FGA: variants seen among roughly 807,000 people sequenced by gnomAD.
FGA encodes the protein fibrinogen alpha chain, also known as fibrinogen, A alpha polypeptide.
Under a neutral mutation model 20.3 loss-of-function variants are expected in FGA, and 20 were observed. The ratio of observed to expected loss-of-function variants is 0.99; its 90% CI spans 0.69 to 1.43. The LOEUF is 1.43. FGA is among the 40% of genes most tolerant of loss of function. The pLI is 0.00. For missense variants in FGA, 777 were observed against 784.7 expected, an observed-to-expected ratio of 0.99 and a Z score of 0.12; for synonymous variants, 306 against 281.6, an observed-to-expected ratio of 1.09 and a Z score of -0.87.
chr4:154,585,236 G>T, downstream of FGA: 9 of 1,334,034 alleles, frequency 6.7e-6, no homozygotes, highest in South Asian at 3.3e-5. Flanking sequence ...AATAGTGAAA[G>T]AATTTGACTA....
chr4:154,587,385 T>C (rs1225680423), intron 4 of FGA, 127 bp downstream of exon 4: 1 of 908,640 alleles, frequency 1.1e-6, no homozygotes, highest in Non-Finnish European at 1.8e-6. Flanking sequence ...AAATAATACC[T>C]ACTTTTAGGT....
intron 3 of FGA, 80 bp from the exon 4 acceptor site, chr4:154,587,737 G>T: frequency 1.4e-6 from 1 of 729,442 alleles, no homozygotes; most frequent in Non-Finnish European, 2.2e-6. Context: ...AGGAAGAAAG[G>T]AAGGAAGGAG....
intron 3 of FGA, 104 bp from the exon 4 acceptor site, chr4:154,587,761 AAGAAAGAAAGAAAG>A: frequency 1.7e-6 from 1 of 600,638 alleles, no homozygotes; most frequent in East Asian, 3.1e-5. Context: ...GAAAGAAAGA[AAGAAAGAAAGAAAG>A]AAAGAAAGAA....
rs1730803730 is a variant in FGA at position 154,588,936 on chromosome 4, A to G, written c.221T>C (p.Ile74Thr). Residue 74 changes from isoleucine (I) to threonine (T), a missense_variant, in exon 3 of 5, where the codon ATT becomes ACT. By Grantham distance (89) the Ile-to-Thr change is moderately conservative. Transcript: ENST00000403106. ...TGTAAAATCTTGATTGACTTCATCA[A>G]TCAACCCTTTCATCCTGCAGCCAGA... is the stretch of plus-strand genomic sequence containing the variant. ...CPSGCRMKGLIDEVNQDFTNR... is the reference protein window; with the variant it reads ...CPSGCRMKGLTDEVNQDFTNR... 6.2e-7 allele frequency: 1 copy of G among 1,613,760 alleles called. No individual in the cohort carries two copies. The highest frequency in any genetic ancestry group is 1.3e-5 in the African/African-American group (1 of 74,924).
chr4:154,587,036 G>T (rs940573385), intron 4 of FGA, 118 bp from the exon 5 acceptor site: 1 of 958,744 alleles, frequency 1.0e-6, no homozygotes, highest in African/African-American at 1.6e-5. Flanking sequence ...TTTTGACTCG[G>T]AGACCTACCA....
downstream of FGA, chr4:154,584,408 C>G (rs1730658583): frequency 3.7e-6 from 6 of 1,614,070 alleles, no homozygotes; most frequent in Non-Finnish European, 5.1e-6. Context: ...TCTGCCCCTT[C>G]CTCTACGGAA....
At chr4:154,589,631 A>G in intron 1 of FGA, 69 bp from the exon 2 acceptor site, 1 of 1,567,790 alleles carries the variant, frequency 6.4e-7, no homozygotes, top group Admixed American at 1.7e-5. Context: ...AGACAGTGGC[A>G]TGCCTACAAG....
chr4:154,587,787 G>GAAAGAAAGAAAT, intron 3 of FGA, 130 bp from the exon 4 acceptor site: 1 of 713,650 alleles, frequency 1.4e-6, no homozygotes, highest in South Asian at 1.7e-5. Flanking sequence ...AAGAAAGAAA[G>GAAAGAAAGAAAT]AAAGAAAGAA....
Position 154,586,285 on chromosome 4 carries a change from T to C in FGA, c.1144A>G (p.Ser382Gly). 6.2e-7 allele frequency: 1 copy of C among 1,614,200 alleles called. No individual in the cohort carries two copies. Among genetic ancestry groups the C allele is most frequent in the South Asian group, 1.1e-5 (1 of 91,092 alleles). ...GATTCAGAGTGCCATTGTCCAGTACTACCAGATACAGAGCTCTCAGAGGTC... is the reference window on the plus strand; with the variant it reads ...GATTCAGAGTGCCATTGTCCAGTACCACCAGATACAGAGCTCTCAGAGGTC... The part of the protein sequence containing the change: ...HWTSESSVSG[S>G]TGQWHSESGS... Residue 382 changes from serine (S) to glycine (G), a missense_variant, in exon 5 of 5, where the codon AGT becomes GGT. Physicochemically the swap from Ser to Gly is moderately conservative, Grantham distance 56. Transcript: ENST00000403106.
chr4:154,589,125 G>T, intron 2 of FGA, 149 bp from the exon 3 acceptor site: 1 of 742,644 alleles, frequency 1.3e-6, no homozygotes, highest in Non-Finnish European at 2.3e-6. Context: ...GTTAGAGGTC[G>T]CAGAGAAACT....
Position 154,586,344 on chromosome 4 carries a change from G to C in FGA, c.1085C>G (p.Pro362Arg). The C allele has an allele frequency of 6.2e-7, 1 of 1,614,190 alleles. No homozygotes were observed. The highest frequency in any genetic ancestry group is 8.5e-7 in the Non-Finnish European group (1 of 1,180,032). ...AGCACTTCCGCGTTCAGAGCTGCCA[G>C]GATTCCAGGTTCCGGTACTACCAGG... is the stretch of plus-strand genomic sequence containing the variant. The part of the protein sequence containing the change: ...PRPGSTGTWN[P>R]GSSERGSAGH... The change falls in exon 5 of 5, where the codon CCT becomes CGT. Residue 362 changes from proline (P) to arginine (R), a missense_variant. Coordinates refer to ENST00000403106, the MANE Select transcript of FGA (RefSeq NM_021871.4).
At chr4:154,583,422 A>G (rs757798143), downstream of FGA, 3 of 152,190 alleles carry the variant, frequency 2.0e-5, no homozygotes, top group Non-Finnish European at 2.9e-5. Context: ...TAATGTGTGA[A>G]TTATGTCTTT....
downstream of FGA, chr4:154,584,958 T>C (rs1560823960): frequency 3.1e-5 from 26 of 832,094 alleles, no homozygotes; most frequent in South Asian, 3.4e-4. Context: ...CCTCCTTTCC[T>C]TCCCTCCATA....
Position 154,586,140 on chromosome 4 carries a change from G to T in FGA, c.1289C>A (p.Thr430Lys), listed in dbSNP as rs200607781. Residue 430 changes from threonine (T) to lysine (K), a missense_variant, in exon 5 of 5, where the codon ACA becomes AAA. Transcript: ENST00000403106. ...TCCTTTAGAAGTGACCAGTTTTTCTGTGTGGTACTCTCTCCTTGTCCCTGG... is the reference window on the plus strand; with the variant it reads ...TCCTTTAGAAGTGACCAGTTTTTCTTTGTGGTACTCTCTCCTTGTCCCTGG... The part of the protein sequence containing the change: ...VSPGTRREYH[T>K]EKLVTSKGDK... 2 of 1,614,156 alleles carry T rather than the reference G, an allele frequency of 1.2e-6. No homozygotes were observed.
At position 154,586,391 on chromosome 4, in the gene FGA, G is replaced by A; in HGVS notation, c.1038C>T (p.Asn346=). Residue 346 remains asparagine (N), a synonymous_variant, in exon 5 of 5, where the codon AAC becomes AAT. Coordinates refer to ENST00000403106, the MANE Select transcript of FGA (RefSeq NM_021871.4). The part of the protein sequence containing the change: ...SGSSGTGSTG[N]QNPGSPRPGS... ...CAGGTCTAGGGCTCCCAGGGTTTTG[G>A]TTTCCAGTACTTCCAGTTCCAGAGC... 6.2e-7 allele frequency: 1 copy of A among 1,614,088 alleles called. No homozygotes were observed. The highest frequency in any genetic ancestry group is 1.1e-5 in the South Asian group (1 of 91,074).
chr4:154,583,314 A>T (rs1315802152), downstream of FGA: 1 of 152,218 alleles, frequency 6.6e-6, no homozygotes, highest in Non-Finnish European at 1.5e-5. Flanking sequence ...AGGCTTTCGA[A>T]CTAACGACTT....
Position 154,587,677 on chromosome 4 carries a change from T to C in FGA, c.365-20A>G. Reference sequence around the variant, plus strand: ...CACGGTCTGAAATCGAAAATATGGTTATTGAAGTAGCTGCTGAGTGATTTG... The same window carrying C: ...CACGGTCTGAAATCGAAAATATGGTCATTGAAGTAGCTGCTGAGTGATTTG... On this transcript the variant is annotated intron_variant, in intron 3 of 4. Coordinates refer to ENST00000403106, the MANE Select transcript of FGA (RefSeq NM_021871.4). The C allele has an allele frequency of 6.2e-7, 1 of 1,611,214 alleles. No individual in the cohort carries two copies. Among genetic ancestry groups the C allele is most frequent in the Non-Finnish European group, 8.5e-7 (1 of 1,178,488 alleles).
Position 154,590,673 on chromosome 4 carries a change from C to T in FGA, c.15G>A (p.Arg5=). 2 of 1,557,612 alleles carry T rather than the reference C, an allele frequency of 1.3e-6. No individual in the cohort carries two copies. The highest frequency in any genetic ancestry group is 2.4e-5 in the East Asian group (1 of 41,744). MFSM[R]IVCLVLSVVG... is the part of the protein sequence containing the mutation. Reference sequence around the variant, plus strand: ...CCACACTTAGGACCAGGCAGACGATCCTCATGGAAAACATCTTTTCTAAGG... The same window carrying T: ...CCACACTTAGGACCAGGCAGACGATTCTCATGGAAAACATCTTTTCTAAGG... Residue 5 remains arginine (R), a synonymous_variant, in exon 1 of 5, where the codon AGG becomes AGA. Coordinates refer to ENST00000403106, the MANE Select transcript of FGA (RefSeq NM_021871.4).
At position 154,585,321 on chromosome 4, in the gene FGA, T is replaced by C. The variant is rs1730678641; in HGVS notation, c.*173A>G. On this transcript the variant is annotated 3_prime_UTR_variant, in exon 5 of 5. Transcript: ENST00000403106. ...TATTTATTGAGTCATGGCTCTGTAC[T>C]GTTAGGCATTTGGGAATACAGAGAT... The C allele has an allele frequency of 8.3e-7, 1 of 1,199,280 alleles. No homozygotes were observed. The highest frequency in any genetic ancestry group is 1.5e-5 in the African/African-American group (1 of 64,912). The allele number at this position is 1,199,280 out of a possible 1,614,324, so 74.3% of individuals were successfully genotyped here.
Sources: gnomAD v4.1 joint callset for allele counts on GRCh38, gnomAD v4.1.1 for gene constraint, MANE v1.5 for transcripts, NCBI Gene and HGNC (gene_info 2026-07-23, HGNC 2026-07-21) for gene names.